The following OGN variants were observed in gnomAD, a reference collection of about 807,000 sequenced individuals.
OGN encodes the protein osteoglycin.
Under a neutral mutation model 30.8 loss-of-function variants are expected in OGN, and 19 were observed. The observed-to-expected ratio is 0.62, with a 90% CI of 0.43 to 0.90. The LOEUF (loss-of-function observed/expected upper bound fraction) is 0.90, where lower values mean the gene tolerates loss of function less well. Among genes scored for constraint, OGN ranks in the 40% least tolerant of loss-of-function variants. OGN has a pLI of 0.00. For synonymous variants in OGN, 126 were observed against 128.3 expected, an observed-to-expected ratio of 0.98 and a Z score of 0.12; for missense variants, 283 against 349.7, an observed-to-expected ratio of 0.81 and a Z score of 1.52.
rs564951686 is a variant in OGN at position 92,396,375 on chromosome 9, TAAAC to T, written c.269-3135_269-3132del. On this transcript the variant is annotated intron_variant, in intron 3 of 6. Coordinates refer to ENST00000375561, the MANE Select transcript of OGN (RefSeq NM_014057.5). The stretch of plus-strand genomic sequence containing the variant: ...TATATTTTAGAATCAGCTTGTTAAT[TAAAC>T]AAAAAAAAAACCTATTAGGATTTTG... 1.4e-3 allele frequency among the ~76,000 whole-genome samples: 216 copies of T among 151,096 alleles called. 8 individuals carry two copies. The South Asian group carries it at 0.044, about 31-fold the overall frequency.
rs769898708 is a variant in OGN, at chr9:92,393,142, A to G, written c.371T>C (p.Leu124Pro). The G allele has an allele frequency of 2.5e-6, 4 of 1,614,000 alleles. No individual in the cohort carries two copies. The highest frequency in any genetic ancestry group is 1.1e-5 in the South Asian group (1 of 91,060). ...TTTAATTTTGTTGAATCGTGCGTAA[A>G]GATAGGCTGATTCCTTTGGTAAGGG... ...VPPLPKESAYLYARFNKIKKL... is the reference protein window; with the variant it reads ...VPPLPKESAYPYARFNKIKKL... The change falls in exon 4 of 7, where the codon CTT (leucine) becomes CCT (proline). Residue 124 changes from leucine to proline, a missense_variant. Transcript: ENST00000375561.
At chr9:92,403,619 A>G (rs1455650863) in intron 1 of OGN, 137 bp from the exon 2 acceptor site, 13 of 1,204,138 alleles carry the variant, frequency 1.1e-5, no homozygotes, top group East Asian at 3.4e-5. Flanking sequence ...GTTTTTATGT[A>G]TCAGTGAACA....
rs868060483 is a variant in OGN, at chr9:92,404,412, C to G, written c.-76+84G>C. 7 of 855,832 alleles carry G rather than the reference C, an allele frequency of 8.2e-6. No individual in the cohort carries two copies. The Middle Eastern group carries it at 1.3e-3, about 163-fold the overall frequency. The allele number at this position is 855,832 out of a possible 1,614,324, so 53.0% of individuals were successfully genotyped here. A position where few individuals can be genotyped will look rare whatever the true frequency, so the allele number is the denominator to read the frequency against. On this transcript the variant is annotated intron_variant, in intron 1 of 6. Coordinates refer to ENST00000375561, the MANE Select transcript of OGN (RefSeq NM_014057.5). ...TAACTGAAACTTAAACCAGAGATGG[C>G]CTTTACATTTATTAAGACTATTAGA...
chr9:92,388,187 C>A (rs1433854325), intron 5 of OGN, among the ~76,000 whole-genome samples: 1 of 151,704 alleles, frequency 6.6e-6, no homozygotes, highest in African/African-American at 2.4e-5. Context: ...GAGACTGAAT[C>A]TTGCTCTGTG....
chr9:92,402,949 T>C (rs1033470981), intron 2 of OGN, among the ~76,000 whole-genome samples: 2 of 152,214 alleles, frequency 1.3e-5, no homozygotes, highest in African/African-American at 2.4e-5. Context: ...TTACTTAATA[T>C]ATAAATTGCA....
intron 5 of OGN, among the ~76,000 whole-genome samples, chr9:92,388,114 G>T (rs1842509546): frequency 6.6e-6 from 1 of 151,944 alleles, no homozygotes; most frequent in Non-Finnish European, 1.5e-5. Flanking sequence ...TGTAATTCCT[G>T]TCTAAACCCC....
In OGN at chr9:92,393,086, G is replaced by A. The variant is rs753494407; in HGVS notation, c.427C>T (p.Pro143Ser). ...KLTAKDFADI[P>S]NLRRLDFTGN... is the part of the protein sequence containing the mutation. Reference sequence around the variant, plus strand: ...AATATCATATTTCAGCTTAACTTACGTATGTCTGCAAAATCTTTGGCAGTC... The same window carrying A: ...AATATCATATTTCAGCTTAACTTACATATGTCTGCAAAATCTTTGGCAGTC... The change falls in exon 4 of 7, where the codon CCT becomes TCT. Residue 143 changes from proline to serine, a missense_variant and splice_region_variant. Coordinates refer to ENST00000375561, the MANE Select transcript of OGN (RefSeq NM_014057.5). The A allele has an allele frequency of 2.5e-6, 4 of 1,611,960 alleles. No individual in the cohort carries two copies. The highest frequency in any genetic ancestry group is 2.7e-5 in the African/African-American group (2 of 74,850).
intron 1 of OGN, 89 bp from the exon 2 acceptor site, chr9:92,403,571 G>A (rs1843207053): frequency 4.0e-6 from 5 of 1,264,852 alleles, no homozygotes; most frequent in Admixed American, 3.8e-5. Context: ...CCAGAGAACA[G>A]TATTTAACCC....
upstream of OGN, chr9:92,404,591 G>A (rs1159357951): frequency 3.9e-6 from 5 of 1,291,976 alleles, no homozygotes; most frequent in Non-Finnish European, 5.1e-6. Context: ...GAAAAGCTAT[G>A]TCTTGATTTC....
intron 4 of OGN, among the ~76,000 whole-genome samples, chr9:92,392,604 G>T (rs1842731510): frequency 1.3e-5 from 2 of 151,152 alleles, no homozygotes; most frequent in Non-Finnish European, 2.9e-5. Flanking sequence ...AACAGAGCAA[G>T]ACTCCATGTC....
chr9:92,403,169 A>T, intron 2 of OGN, 65 bp downstream of exon 2: 1 of 1,129,778 alleles, frequency 8.9e-7, no homozygotes, highest in Non-Finnish European at 1.2e-6. Flanking sequence ...CATTCAGGAA[A>T]AGCAAAAACA....
At chr9:92,400,497 C>G (rs145349173) in intron 3 of OGN, among the ~76,000 whole-genome samples, 1 of 152,130 alleles carries the variant, frequency 6.6e-6, no homozygotes, top group South Asian at 2.1e-4. Context: ...TCATACTTCT[C>G]GCTTTTTAAG....
intron 5 of OGN, among the ~76,000 whole-genome samples, chr9:92,388,181 C>T (rs1377556307): frequency 6.6e-6 from 1 of 150,744 alleles, no homozygotes; most frequent in African/African-American, 2.4e-5. Flanking sequence ...TTTTTGGAGA[C>T]TGAATCTTGC....
chr9:92,388,889 A>T (rs1842552072), intron 5 of OGN, among the ~76,000 whole-genome samples: 1 of 152,076 alleles, frequency 6.6e-6, no homozygotes, highest in African/African-American at 2.4e-5. Flanking sequence ...GAGTCCCTTA[A>T]CTTCTGAGTT....
chr9:92,389,054 G>T (rs1475178072), intron 5 of OGN, among the ~76,000 whole-genome samples: 2 of 152,078 alleles, frequency 1.3e-5, no homozygotes, highest in African/African-American at 4.8e-5. Context: ...ACCTGTGTGT[G>T]ATTATCATAA....
At chr9:92,399,532 G>A (rs751347396) in intron 3 of OGN, among the ~76,000 whole-genome samples, 3 of 151,810 alleles carry the variant, frequency 2.0e-5, no homozygotes, top group East Asian at 1.9e-4. Flanking sequence ...AGTTGCCTTC[G>A]ACTTTACCAC....
rs61628295 is a variant in OGN, at chr9:92,390,563, A to AGTGTGTGTGTGTGT, written c.428-521_428-508dup. ...GTGACACAGATTGAGAGAGAAATTCAGTGTGTGTGTGTGTGTGTGTGTGTG... is the reference window on the plus strand; with the variant it reads ...GTGACACAGATTGAGAGAGAAATTCAGTGTGTGTGTGTGTGTGTGTGTGTGTGTGTGTGTGTGTG... On this transcript the variant is annotated intron_variant, in intron 4 of 6. Coordinates refer to ENST00000375561, the MANE Select transcript of OGN (RefSeq NM_014057.5). 5.9e-4 allele frequency among the ~76,000 whole-genome samples: 89 copies of AGTGTGTGTGTGTGT among 150,554 alleles called. 1 individual carries two copies. Among genetic ancestry groups the AGTGTGTGTGTGTGT allele is most frequent in the African/African-American group, 2.1e-3 (87 of 40,952 alleles).
Position 92,390,355 on chromosome 9 carries a change from G to A in OGN, c.428-299C>T, listed in dbSNP as rs139862261. 4.6e-4 allele frequency among the ~76,000 whole-genome samples: 70 copies of A among 152,290 alleles called. 2 individuals are homozygous for A. The East Asian group carries it at 0.01, about 23-fold the overall frequency. On this transcript the variant is annotated intron_variant, in intron 4 of 6. Coordinates refer to ENST00000375561, the MANE Select transcript of OGN (RefSeq NM_014057.5). ...ATTCCTTGGGATGGTCAGGCAGTTT[G>A]AAAGAAATTCTTGTTGCAAATCATG...
intron 3 of OGN, among the ~76,000 whole-genome samples, chr9:92,398,444 T>C (rs1251214437): frequency 1.3e-5 from 2 of 152,174 alleles, no homozygotes; most frequent in Non-Finnish European, 2.9e-5. Flanking sequence ...TTTTAGCCTG[T>C]ATTTATTTTC....
Sources: allele counts gnomAD v4.1 joint callset (sites outside exome capture counted in the v4.1 genomes callset), GRCh38; gene constraint gnomAD v4.1.1; transcripts MANE v1.5; gene names NCBI Gene and HGNC (gene_info 2026-07-23, HGNC 2026-07-21).